The following PRXL2C variants were observed in gnomAD, a reference collection of about 807,000 sequenced individuals.
PRXL2C encodes peroxiredoxin like 2C.
PRXL2C carries 38 observed loss-of-function variants against 24.9 expected under a neutral mutation model. That is an observed-to-expected ratio of 1.53 (90% CI 1.18 to 2.00). The LOEUF is 2.00. Among genes scored for constraint, PRXL2C ranks in the 30% most tolerant of loss-of-function variants. The probability of loss-of-function intolerance (pLI) is 0.00; values close to 1 mark genes in which losing one functional copy is unlikely to be tolerated. For synonymous variants in PRXL2C, 98 were observed against 117.2 expected, an observed-to-expected ratio of 0.84 and a Z score of 1.06; for missense variants, 294 against 290.9, an observed-to-expected ratio of 1.01 and a Z score of -0.08.
rs59028960 is a variant in PRXL2C at position 96,640,093 on chromosome 9, C to CA, written c.*1665dup. 15,841 of 111,110 alleles carry CA rather than the reference C, an allele frequency of 0.14. 2,784 individuals carry two copies. The highest frequency in any genetic ancestry group is 0.42 in the African/African-American group (13,941 of 33,210). The allele number at this position is 111,110 out of a possible 1,614,324, so 6.9% of individuals were successfully genotyped here. ...GTGCAACAAGAGTGAAACTCCGTCT[C>CA]AAAAAAAAAAAAAAAATTCTAGAAA... On this transcript the variant is annotated 3_prime_UTR_variant, in exon 6 of 6. Transcript: ENST00000375234.
intron 4 of PRXL2C, among the ~76,000 whole-genome samples, chr9:96,650,531 G>A (rs1049732758): frequency 6.6e-6 from 1 of 151,986 alleles, no homozygotes; most frequent in Admixed American, 6.6e-5. Flanking sequence ...TAAAGTGCAG[G>A]GTGCTGTGAA....
At chr9:96,651,773 TC>T (rs1397377258) in intron 2 of PRXL2C, 61 bp from the exon 3 acceptor site, 1 of 1,405,420 alleles carries the variant, frequency 7.1e-7, no homozygotes, top group East Asian at 2.3e-5. Flanking sequence ...TTATACAACA[TC>T]CCTTAACCCA....
intron 2 of PRXL2C, among the ~76,000 whole-genome samples, chr9:96,653,358 G>A (rs965978091): frequency 5.9e-5 from 9 of 152,086 alleles, no homozygotes; most frequent in African/African-American, 1.9e-4. Context: ...GCCAGGCACA[G>A]GAAGAAAAAC....
chr9:96,641,934 G>C (rs758698184), intron 5 of PRXL2C, 48 bp from the exon 6 acceptor site: 19 of 1,370,488 alleles, frequency 1.4e-5, no homozygotes, highest in Non-Finnish European at 1.7e-5. Context: ...TTATTCATCA[G>C]ATTTACTGCT....
At position 96,655,112 on chromosome 9, in the gene PRXL2C, C is replaced by A; in HGVS notation, c.170G>T (p.Arg57Leu). 7.0e-7 allele frequency: 1 copy of A among 1,428,376 alleles called. No individual in the cohort carries two copies. The highest frequency in any genetic ancestry group is 9.1e-7 in the Non-Finnish European group (1 of 1,094,872). 88.5% of individuals were successfully genotyped at this position (1,428,376 alleles called of 1,614,324 possible). ...VPFGALFRER[R>L]AVVVFVRHFL... ...CACCCGCACGAACACCACCACGGCG[C>A]GGCGCTCCCGGAACAGCGCGCCGAA... is the stretch of plus-strand genomic sequence containing the variant. Residue 57 changes from arginine to leucine, a missense_variant, in exon 1 of 6, where the codon CGC becomes CTC. Coordinates refer to ENST00000375234, the MANE Select transcript of PRXL2C (RefSeq NM_153698.2).
intron 5 of PRXL2C, among the ~76,000 whole-genome samples, chr9:96,645,222 G>GA (rs764873215): frequency 7.3e-5 from 11 of 150,722 alleles, no homozygotes; most frequent in South Asian, 2.1e-4. Flanking sequence ...TTCTTTTCTT[G>GA]AAAAAAAAGG....
intron 5 of PRXL2C, among the ~76,000 whole-genome samples, chr9:96,643,285 G>T (rs73542986): frequency 9.2e-5 from 14 of 151,906 alleles, no homozygotes; most frequent in Non-Finnish European, 2.1e-4. Flanking sequence ...TTGGTCTCTC[G>T]CCCAGGCTGT....
rs767709023 is a variant in PRXL2C, at chr9:96,651,434, T to C, written c.377A>G (p.Tyr126Cys). ...ACCTCTTTTCATTCCCAATCTTTTA[T>C]AAATTTCTCTCTCAGGATCGACATA... is the stretch of plus-strand genomic sequence containing the variant. ...EIYVDPEREI[Y>C]KRLGMKRGEE... The change falls in exon 4 of 6, where the codon TAT becomes TGT. Residue 126 changes from tyrosine to cysteine, a missense_variant. Coordinates refer to ENST00000375234, the MANE Select transcript of PRXL2C (RefSeq NM_153698.2). The C allele has an allele frequency of 4.3e-6, 7 of 1,613,490 alleles. No individual in the cohort carries two copies. Among genetic ancestry groups the C allele is most frequent in the Non-Finnish European group, 5.9e-6 (7 of 1,179,896 alleles).
At chr9:96,644,976 G>C (rs757910715) in intron 5 of PRXL2C, among the ~76,000 whole-genome samples, 1 of 132,086 alleles carries the variant, frequency 7.6e-6, no homozygotes, top group Non-Finnish European at 1.5e-5. Flanking sequence ...GTGCGATCTC[G>C]GCGCACTGCA....
chr9:96,652,804 G>A (rs1218382895), intron 2 of PRXL2C, among the ~76,000 whole-genome samples: 1 of 152,106 alleles, frequency 6.6e-6, no homozygotes, highest in African/African-American at 2.4e-5. Flanking sequence ...CCACTACTGG[G>A]CATTTATTCA....
rs1028249302 is a variant in PRXL2C, at chr9:96,641,356, T to A, written c.*403A>T. On this transcript the variant is annotated 3_prime_UTR_variant, in exon 6 of 6. Coordinates refer to ENST00000375234, the MANE Select transcript of PRXL2C (RefSeq NM_153698.2). ...GCAGTTACATTGTTGACAGATTTGA[T>A]ATTTTGCCTTCTTCACTGAATATAA... The A allele has an allele frequency of 6.5e-6, 1 of 153,608 alleles. No homozygotes were observed. The highest frequency in any genetic ancestry group is 1.4e-5 in the Non-Finnish European group (1 of 69,038). 9.5% of individuals were successfully genotyped at this position (153,608 alleles called of 1,614,324 possible). A position where few individuals can be genotyped will look rare whatever the true frequency, so the allele number is the denominator to read the frequency against.
At chr9:96,642,372 C>T (rs1407562620) in intron 5 of PRXL2C, among the ~76,000 whole-genome samples, 2 of 152,102 alleles carry the variant, frequency 1.3e-5, no homozygotes, top group African/African-American at 4.8e-5. Flanking sequence ...AAAATAAGGC[C>T]TTAAAAGACA....
intron 2 of PRXL2C, among the ~76,000 whole-genome samples, chr9:96,652,734 C>T (rs1026149016): frequency 3.9e-5 from 6 of 152,032 alleles, no homozygotes; most frequent in South Asian, 2.1e-4. Flanking sequence ...ACAGCCATTA[C>T]GGAAAACAGT....
At chr9:96,649,354 C>G (rs1167760829) in intron 4 of PRXL2C, among the ~76,000 whole-genome samples, 5 of 149,200 alleles carry the variant, frequency 3.4e-5, no homozygotes, top group Admixed American at 6.6e-5. Flanking sequence ...CACCTGAGGT[C>G]GGGAGTTCAA....
chr9:96,648,167 T>C (rs1038197664), intron 4 of PRXL2C, among the ~76,000 whole-genome samples: 7 of 152,212 alleles, frequency 4.6e-5, no homozygotes, highest in Non-Finnish European at 1.0e-4. Flanking sequence ...CCTCCCAAAG[T>C]GCTAGGAATG....
intron 5 of PRXL2C, 68 bp from the exon 6 acceptor site, chr9:96,641,954 C>G (rs931428450): frequency 1.5e-6 from 2 of 1,326,100 alleles, no homozygotes; most frequent in Non-Finnish European, 2.0e-6. Context: ...TTACTAAAAT[C>G]AAGGAAGCTT....
At chr9:96,646,563 T>C (rs541691362) in intron 4 of PRXL2C, among the ~76,000 whole-genome samples, 2 of 152,310 alleles carry the variant, frequency 1.3e-5, no homozygotes, top group South Asian at 4.1e-4. Flanking sequence ...TGAAGTATAT[T>C]TTCCAGTCTT....
intron 5 of PRXL2C, among the ~76,000 whole-genome samples, chr9:96,644,244 G>A (rs138855313): frequency 2.3e-4 from 35 of 152,120 alleles, no homozygotes; most frequent in African/African-American, 8.0e-4. Context: ...CAAAAAGATG[G>A]TCTTACAACA....
At chr9:96,647,954 A>G (rs1349737764) in intron 4 of PRXL2C, among the ~76,000 whole-genome samples, 1 of 152,170 alleles carries the variant, frequency 6.6e-6, no homozygotes, top group Admixed American at 6.5e-5. Context: ...CCCAGGCGGG[A>G]GTGCAGTGGC....
Sources: allele counts gnomAD v4.1 joint callset (sites outside exome capture counted in the v4.1 genomes callset), GRCh38; gene constraint gnomAD v4.1.1; transcripts MANE v1.5; gene names NCBI Gene and HGNC (gene_info 2026-07-23, HGNC 2026-07-21).